The following SPG11 variants were observed in gnomAD, a reference collection of about 807,000 sequenced individuals.
SPG11 encodes the protein SPG11 vesicle trafficking associated, spatacsin.
A neutral mutation model predicts 274.0 loss-of-function variants in SPG11; 222 were observed. The ratio of observed to expected loss-of-function variants is 0.81; its 90% CI spans 0.73 to 0.91. SPG11 has a LOEUF of 0.91. Among genes scored for constraint, SPG11 ranks in the 40% least tolerant of loss-of-function variants. The pLI is 0.00. For missense variants in SPG11, 3,114 were observed against 2,872.7 expected (o/e 1.08, Z -1.92); for synonymous variants, 1,144 against 1,039.7 (o/e 1.10, Z -1.93).
chr15:44,584,329 G>A lies in SPG11; in HGVS notation c.5351C>T (p.Ala1784Val). The change falls in exon 30 of 40, where the codon GCC becomes GTC. Residue 1784 changes from alanine (A) to valine (V), a missense_variant. Transcript: ENST00000261866. ...LLLTLAGHWL[A>V]QEDVVPLDKL... is the part of the protein sequence containing the mutation. Reference sequence around the variant, plus strand: ...ATCCAAGGGCACCACGTCCTCCTGGGCAAGCCAGTGCCCTGCCAAGGTGAG... The same window carrying A: ...ATCCAAGGGCACCACGTCCTCCTGGACAAGCCAGTGCCCTGCCAAGGTGAG... 6.2e-7 allele frequency: 1 copy of A among 1,610,714 alleles called. No individual in the cohort carries two copies. Among genetic ancestry groups the A allele is most frequent in the Non-Finnish European group, 8.5e-7 (1 of 1,177,870 alleles).
chr15:44,571,507 T>C (rs1305351152), intron 33 of SPG11, among the ~76,000 whole-genome samples: 1 of 148,566 alleles, frequency 6.7e-6, no homozygotes, highest in South Asian at 2.2e-4. Context: ...TTTTTTTTTT[T>C]TTTTTTTTGA....
intron 21 of SPG11, among the ~76,000 whole-genome samples, chr15:44,599,780 T>A (rs1343316758): frequency 2.0e-5 from 3 of 152,194 alleles, no homozygotes. Flanking sequence ...AATGCTCCTC[T>A]CAATTCTGTG....
Position 44,598,294 on chromosome 15 carries a change from C to G in SPG11, c.3972G>C (p.Trp1324Cys), listed in dbSNP as rs751282858. 1 of 1,613,826 alleles carries G rather than the reference C, an allele frequency of 6.2e-7. No homozygotes were observed. The highest frequency in any genetic ancestry group is 1.3e-5 in the African/African-American group (1 of 74,944). Residue 1324 changes from tryptophan (W) to cysteine (C), a missense_variant, in exon 23 of 40, where the codon TGG becomes TGC. Physicochemically the swap from Trp to Cys is radical, Grantham distance 215. Transcript: ENST00000261866. ...ELLVLLEEGT[W>C]NSIQQQEIKR... is the part of the protein sequence containing the mutation. ...TTATTTCCTGTTGCTGAATGCTGTT[C>G]CATGTACCTTCTTCTAAGAGAACAA...
intron 39 of SPG11, among the ~76,000 whole-genome samples, chr15:44,564,029 C>T (rs2082256278): frequency 6.6e-6 from 1 of 151,984 alleles, no homozygotes; most frequent in Admixed American, 6.6e-5. Flanking sequence ...GAGTCACACT[C>T]TGTTGCCAGG....
intron 26 of SPG11, among the ~76,000 whole-genome samples, chr15:44,594,792 C>T (rs575747323): frequency 2.6e-5 from 4 of 152,072 alleles, no homozygotes; most frequent in South Asian, 2.1e-4. Context: ...AAAATAAATA[C>T]GACTTTGCTA....
intron 7 of SPG11, among the ~76,000 whole-genome samples, chr15:44,647,572 A>C (rs1364232443): frequency 6.6e-6 from 1 of 152,262 alleles, no homozygotes; most frequent in Non-Finnish European, 1.5e-5. Context: ...ATACAATGGA[A>C]TATTCAGCCA....
Position 44,595,420 on chromosome 15 carries a change from T to C in SPG11, c.4474A>G (p.Thr1492Ala). ...AISCLCVWII[T>A]SVEDNVATEA... Reference sequence around the variant, plus strand: ...GTTGCAACATTGTCCTCCACAGAAGTGATGATCCAAACACAGAGACAAGAA... The same window carrying C: ...GTTGCAACATTGTCCTCCACAGAAGCGATGATCCAAACACAGAGACAAGAA... The change falls in exon 26 of 40, where the codon ACT becomes GCT. Residue 1492 changes from threonine to alanine, a missense_variant. Thr to Ala is a moderately conservative substitution (Grantham distance 58, BLOSUM62 0). Transcript: ENST00000261866. 7 of 1,614,150 alleles carry C rather than the reference T, an allele frequency of 4.3e-6. No individual in the cohort carries two copies. The highest frequency in any genetic ancestry group is 5.9e-6 in the Non-Finnish European group (7 of 1,180,018).
intron 24 of SPG11, 105 bp downstream of exon 24, chr15:44,596,660 CAAAAAAAAAAAAAAAAAAA>C: frequency 1.5e-5 from 4 of 270,290 alleles, no homozygotes; most frequent in Non-Finnish European, 2.7e-5. Flanking sequence ...GTATCCTGGT[CAAAAAAAAAAAAAAAAAAA>C]AAAAAAAAAA....
chr15:44,566,118 C>T (rs779820040), intron 37 of SPG11, 99 bp downstream of exon 37: 23 of 1,585,398 alleles, frequency 1.5e-5, no homozygotes, highest in Non-Finnish European at 1.9e-5. Context: ...GCCTATGATG[C>T]CCTCCCGCTT....
chr15:44,627,297 A>C (rs1448308592), intron 10 of SPG11, among the ~76,000 whole-genome samples: 1 of 152,250 alleles, frequency 6.6e-6, no homozygotes, highest in Non-Finnish European at 1.5e-5. Context: ...TAGAGGGAAC[A>C]GAAAGGAGGC....
intron 7 of SPG11, among the ~76,000 whole-genome samples, chr15:44,638,761 C>T (rs1029169340): frequency 3.9e-5 from 6 of 152,094 alleles, no homozygotes; most frequent in African/African-American, 9.7e-5. Flanking sequence ...TTTGGGAAAC[C>T]GAGGTGGGTG....
intron 38 of SPG11, 45 bp downstream of exon 38, chr15:44,565,809 G>C: frequency 6.2e-7 from 1 of 1,611,304 alleles, no homozygotes; most frequent in Non-Finnish European, 8.5e-7. Flanking sequence ...GACAGAAGGA[G>C]AGAGGATGCT....
At position 44,598,722 on chromosome 15, in the gene SPG11, C is replaced by T. The variant is rs958731858; in HGVS notation, c.3801G>A (p.Lys1267=). The T allele has an allele frequency of 4.3e-6, 7 of 1,614,076 alleles. 1 individual carries two copies. The South Asian group carries it at 6.6e-5, about 15-fold the overall frequency. ...FLELLGLDSL[K]LRVDMKVANI... is the part of the protein sequence containing the mutation. The stretch of plus-strand genomic sequence containing the variant: ...TGGCCACTTTCATATCAACTCTGAG[C>T]TTGAGGCTGTCAAGGCCAAGCAATT... Residue 1267 remains lysine (K), a synonymous_variant, in exon 22 of 40, where the codon AAG becomes AAA. Transcript: ENST00000261866.
intron 30 of SPG11, among the ~76,000 whole-genome samples, chr15:44,578,837 G>A (rs2082600345): frequency 6.6e-6 from 1 of 152,192 alleles, no homozygotes; most frequent in Admixed American, 6.5e-5. Context: ...CTCAAATAGT[G>A]TATTTTAATA....
rs1454615342 is a variant in SPG11 at position 44,585,779 on chromosome 15, T to C, written c.4978A>G (p.Ile1660Val). The change falls in exon 29 of 40, where the codon ATT (isoleucine) becomes GTT (valine). Residue 1660 changes from isoleucine to valine, a missense_variant. Ile to Val is a conservative substitution (Grantham distance 29). Coordinates refer to ENST00000261866, the MANE Select transcript of SPG11 (RefSeq NM_025137.4). ...KDTSIAINHT[I>V]ITSYSIENLQ... ...TTCTCAATGCTGTAGCTGGTAATAA[T>C]TGTATGATTAATGGCTATGGATGTA... is the stretch of plus-strand genomic sequence containing the variant. The C allele has an allele frequency of 5.0e-6, 8 of 1,613,966 alleles. No individual in the cohort carries two copies. The Admixed American group carries it at 8.3e-5, about 17-fold the overall frequency.
rs138103656 is a variant in SPG11 at position 44,596,152 on chromosome 15, C to G, written c.4365G>C (p.Trp1455Cys). The G allele has an allele frequency of 7.9e-5, 128 of 1,614,118 alleles. No individual in the cohort carries two copies. In the Middle Eastern group the frequency reaches 8.3e-4, roughly 10 times the overall value. Residue 1455 changes from tryptophan to cysteine, a missense_variant, in exon 25 of 40, where the codon TGG becomes TGC. Physicochemically the swap from Trp to Cys is radical, Grantham distance 215. Transcript: ENST00000261866. ...TCACTGCTTCAACCAGAAGCCAGTG[C>G]CAGGAGTCTGGCTCCTCTGAGCATT... Reference protein sequence around the residue: ...LLQCSEEPDSWHWLLVEAVKQ... With the variant: ...LLQCSEEPDSCHWLLVEAVKQ...
intron 19 of SPG11, among the ~76,000 whole-genome samples, chr15:44,608,120 G>A (rs956266560): frequency 4.6e-5 from 7 of 152,210 alleles, no homozygotes; most frequent in African/African-American, 7.2e-5. Flanking sequence ...GGGCATCTCC[G>A]CTAAGTTTCT....
At chr15:44,607,221 T>C (rs2083344010) in intron 19 of SPG11, among the ~76,000 whole-genome samples, 1 of 152,246 alleles carries the variant, frequency 6.6e-6, no homozygotes. Context: ...CACTTTTAAG[T>C]AGCACCAGTC....
chr15:44,640,603 G>T (rs1374266695), intron 7 of SPG11, among the ~76,000 whole-genome samples: 1 of 152,156 alleles, frequency 6.6e-6, no homozygotes, highest in Non-Finnish European at 1.5e-5. Context: ...GATAATAAAG[G>T]CAAGATGGAA....
Sources: allele counts gnomAD v4.1 joint callset (sites outside exome capture counted in the v4.1 genomes callset), GRCh38; gene constraint gnomAD v4.1.1; transcripts MANE v1.5; gene names NCBI Gene and HGNC (gene_info 2026-07-23, HGNC 2026-07-21).